Variants in NKAIN3 observed in about 807,000 individuals in gnomAD.
NKAIN3 encodes the protein sodium/potassium transporting ATPase interacting 3.
A neutral mutation model predicts 30.2 loss-of-function variants in NKAIN3; 25 were observed. The observed-to-expected ratio is 0.83, with a 90% CI of 0.60 to 1.16. The LOEUF is 1.16. NKAIN3 is among the 50% of genes most tolerant of loss of function. The probability of loss-of-function intolerance (pLI) is 0.00; values close to 1 mark genes in which losing one functional copy is unlikely to be tolerated. For synonymous variants in NKAIN3, 91 were observed against 89.6 expected, an observed-to-expected ratio of 1.02 and a Z score of -0.09; for missense variants, 225 against 254.1, an observed-to-expected ratio of 0.89 and a Z score of 0.78.
chr8:62,405,335 A>T (rs759681024), intron 1 of NKAIN3, among the ~76,000 whole-genome samples: 2 of 152,210 alleles, frequency 1.3e-5, no homozygotes, highest in Non-Finnish European at 2.9e-5. Flanking sequence ...AGACTTGACC[A>T]GGAATTGCAG....
chr8:62,489,620 T>C (rs1401082647), intron 1 of NKAIN3, among the ~76,000 whole-genome samples: 1 of 152,230 alleles, frequency 6.6e-6, no homozygotes, highest in Non-Finnish European at 1.5e-5. Flanking sequence ...CAAAACAGCA[T>C]ATTTAAAAGA....
At chr8:62,367,997 T>G (rs953985180) in intron 1 of NKAIN3, among the ~76,000 whole-genome samples, 7 of 152,026 alleles carry the variant, frequency 4.6e-5, no homozygotes, top group Non-Finnish European at 8.8e-5. Flanking sequence ...AATAAAATAC[T>G]TAGGAATAAA....
chr8:62,797,317 T>C (rs1817893272), intron 4 of NKAIN3, among the ~76,000 whole-genome samples: 1 of 152,202 alleles, frequency 6.6e-6, no homozygotes, highest in South Asian at 2.1e-4. Flanking sequence ...ATCCACATAA[T>C]AGACTCCTTG....
intron 1 of NKAIN3, among the ~76,000 whole-genome samples, chr8:62,395,193 G>A (rs374486857): frequency 4.6e-5 from 7 of 151,580 alleles, no homozygotes; most frequent in South Asian, 2.1e-4. Flanking sequence ...CAGCGGACGG[G>A]CAGCAGCGCC....
Position 62,560,277 on chromosome 8 carries a change from ATCT to A in NKAIN3, c.55-19257_55-19255del, listed in dbSNP as rs1316684658. ...GGTTTATTCTTGTCAAGATTTACTC[ATCT>A]TCTTGCATCTGTAGGTTTATTTCTC... On this transcript the variant is annotated intron_variant, in intron 1 of 6. Transcript: ENST00000623646. Among the ~76,000 whole-genome samples, 6 of 152,138 alleles carry A rather than the reference ATCT, an allele frequency of 3.9e-5. No individual in the cohort carries two copies. The East Asian group carries it at 1.2e-3, about 29-fold the overall frequency.
At chr8:62,999,039 G>T (rs1804190621) in intron 5 of NKAIN3, among the ~76,000 whole-genome samples, 1 of 152,100 alleles carries the variant, frequency 6.6e-6, no homozygotes, top group African/African-American at 2.4e-5. Flanking sequence ...GTCTGTGCAG[G>T]CCCTTTGCTC....
intron 3 of NKAIN3, among the ~76,000 whole-genome samples, chr8:62,709,711 C>T (rs1814654983): frequency 6.6e-6 from 1 of 151,926 alleles, no homozygotes; most frequent in African/African-American, 2.4e-5. Context: ...TTTTTTGTTT[C>T]AATTTCATTT....
At chr8:62,529,823 T>C (rs1397186291) in intron 1 of NKAIN3, among the ~76,000 whole-genome samples, 1 of 152,152 alleles carries the variant, frequency 6.6e-6, no homozygotes, top group East Asian at 1.9e-4. Context: ...TTTTTACCCA[T>C]GAAGAAAATG....
chr8:62,949,347 T>A (rs1033051752), intron 5 of NKAIN3, among the ~76,000 whole-genome samples: 5 of 152,146 alleles, frequency 3.3e-5, no homozygotes, highest in Admixed American at 1.3e-4. Flanking sequence ...AAAGTTGCTA[T>A]TGGTTGTGTA....
intron 1 of NKAIN3, among the ~76,000 whole-genome samples, chr8:62,497,558 A>T (rs1335079953): frequency 6.6e-6 from 1 of 152,050 alleles, no homozygotes; most frequent in Non-Finnish European, 1.5e-5. Context: ...TCCTACCTAC[A>T]AGTTTTTACT....
chr8:62,556,925 C>A (rs1471426755), intron 1 of NKAIN3, among the ~76,000 whole-genome samples: 1 of 151,970 alleles, frequency 6.6e-6, no homozygotes, highest in Non-Finnish European at 1.5e-5. Flanking sequence ...TTAAAAGTTG[C>A]AAAATATACT....
intron 4 of NKAIN3, among the ~76,000 whole-genome samples, chr8:62,786,669 C>T (rs868566603): frequency 3.1e-4 from 47 of 152,202 alleles, no homozygotes; most frequent in African/African-American, 1.1e-3. Flanking sequence ...AGAATGCATT[C>T]GGTTATCCTA....
chr8:62,891,832 C>G (rs569405069), intron 4 of NKAIN3, among the ~76,000 whole-genome samples: 5 of 152,226 alleles, frequency 3.3e-5, no homozygotes, highest in South Asian at 4.1e-4. Context: ...CACTCTTCAT[C>G]CTCTTTCTCT....
intron 3 of NKAIN3, among the ~76,000 whole-genome samples, chr8:62,596,157 A>G (rs893933280): frequency 1.5e-4 from 23 of 151,950 alleles, no homozygotes; most frequent in Admixed American, 5.9e-4. Context: ...GGTTAGCTGC[A>G]GGCAAAAGTA....
intron 1 of NKAIN3, among the ~76,000 whole-genome samples, chr8:62,424,715 G>A (rs1351282698): frequency 6.6e-6 from 1 of 151,784 alleles, no homozygotes; most frequent in Admixed American, 6.6e-5. Context: ...AAGTAATGTA[G>A]CCACTAGTAA....
At chr8:62,615,666 A>G (rs188452487) in intron 3 of NKAIN3, among the ~76,000 whole-genome samples, 21 of 152,250 alleles carry the variant, frequency 1.4e-4, no homozygotes, top group South Asian at 4.2e-4. Flanking sequence ...GGCATCTGCA[A>G]TTCCTCTCTG....
intron 1 of NKAIN3, among the ~76,000 whole-genome samples, chr8:62,559,065 T>G (rs1051418675): frequency 6.6e-6 from 1 of 152,088 alleles, no homozygotes; most frequent in Non-Finnish European, 1.5e-5. Flanking sequence ...CTTTTTAATT[T>G]GTTGAAATTT....
At chr8:62,273,497 A>G (rs1383556222) in intron 1 of NKAIN3, among the ~76,000 whole-genome samples, 3 of 152,188 alleles carry the variant, frequency 2.0e-5, no homozygotes, top group African/African-American at 4.8e-5. Flanking sequence ...TGTTTTGGTT[A>G]CTGTAATGAT....
chr8:62,832,451 A>G (rs916730738), intron 4 of NKAIN3, among the ~76,000 whole-genome samples: 1 of 151,860 alleles, frequency 6.6e-6, no homozygotes, highest in Non-Finnish European at 1.5e-5. Context: ...AAAGGCACAG[A>G]GTGGCCAGGT....
Sources: allele counts gnomAD v4.1 joint callset (sites outside exome capture counted in the v4.1 genomes callset), GRCh38; gene constraint gnomAD v4.1.1; transcripts MANE v1.5; gene names NCBI Gene and HGNC (gene_info 2026-07-23, HGNC 2026-07-21).